SARNP: variants seen among roughly 807,000 people sequenced by gnomAD.
The protein encoded by SARNP is SAP domain containing ribonucleoprotein.
Under a neutral mutation model 38.1 loss-of-function variants are expected in SARNP, and 5 were observed. The observed-to-expected ratio is 0.13, with a 90% CI of 0.07 to 0.28. The LOEUF (loss-of-function observed/expected upper bound fraction) is 0.28. SARNP is among the 10% of genes least tolerant of loss of function. The probability of loss-of-function intolerance (pLI) is 1.00; values close to 1 mark genes in which losing one functional copy is unlikely to be tolerated. For synonymous variants in SARNP, 84 were observed against 80.6 expected (o/e 1.04, Z -0.23); for missense variants, 180 against 243.9 (o/e 0.74, Z 1.75).
At chr12:55,796,602 CAT>C (rs1186342753) in intron 4 of SARNP, among the ~76,000 whole-genome samples, 2 of 152,086 alleles carry the variant, frequency 1.3e-5, no homozygotes, top group Non-Finnish European at 2.9e-5. Flanking sequence ...AGGGTTTCAC[CAT>C]GTTGGCCAGG....
At chr12:55,811,768 T>C (rs1316589662) in intron 1 of SARNP, among the ~76,000 whole-genome samples, 9 of 152,196 alleles carry the variant, frequency 5.9e-5, no homozygotes, top group Admixed American at 1.3e-4. Context: ...TCACTAAGAT[T>C]CCTTCTTTGG....
At chr12:55,783,091 CAG>C (rs1421809949) in intron 9 of SARNP, among the ~76,000 whole-genome samples, 1 of 151,988 alleles carries the variant, frequency 6.6e-6, no homozygotes, top group African/African-American at 2.4e-5. Flanking sequence ...GCCTGGGTGA[CAG>C]AGTTAGACCC....
intron 1 of SARNP, among the ~76,000 whole-genome samples, chr12:55,806,827 C>T (rs1427338683): frequency 2.0e-5 from 3 of 152,212 alleles, no homozygotes; most frequent in Admixed American, 6.5e-5. Context: ...CATGAGCCAC[C>T]GCGCCCGGCC....
At chr12:55,795,863 T>C (rs1879804745) in intron 5 of SARNP, among the ~76,000 whole-genome samples, 162 bp downstream of exon 5, 1 of 152,150 alleles carries the variant, frequency 6.6e-6, no homozygotes, top group Non-Finnish European at 1.5e-5. Flanking sequence ...GCCAGCCAAA[T>C]ATTTTCCAAA....
chr12:55,765,505 G>C (rs549189849), intron 9 of SARNP, among the ~76,000 whole-genome samples: 15 of 151,002 alleles, frequency 9.9e-5, no homozygotes, highest in African/African-American at 3.7e-4. Flanking sequence ...GCCATGCCTG[G>C]CTAATTTTTT....
downstream of SARNP, chr12:55,756,778 T>A (rs1878518149): frequency 6.6e-6 from 1 of 152,250 alleles, no homozygotes; most frequent in African/African-American, 2.4e-5. Flanking sequence ...CAAAATTTCT[T>A]CTGTCTCTGA....
At chr12:55,763,713 A>G (rs908180699) in intron 9 of SARNP, among the ~76,000 whole-genome samples, 1 of 152,126 alleles carries the variant, frequency 6.6e-6, no homozygotes, top group African/African-American at 2.4e-5. Context: ...TCAGCCTCCC[A>G]AAGTGCTGGG....
At chr12:55,816,678 T>C (rs1235621776) in intron 1 of SARNP, among the ~76,000 whole-genome samples, 1 of 152,246 alleles carries the variant, frequency 6.6e-6, no homozygotes, top group Non-Finnish European at 1.5e-5. Flanking sequence ...AAACATCTAA[T>C]GGGAAAACTA....
intron 9 of SARNP, among the ~76,000 whole-genome samples, chr12:55,787,343 T>C (rs1879529793): frequency 6.6e-6 from 1 of 152,182 alleles, no homozygotes; most frequent in African/African-American, 2.4e-5. Flanking sequence ...AGTGTTTAGT[T>C]TTTTTCCCAA....
intron 9 of SARNP, among the ~76,000 whole-genome samples, chr12:55,767,534 G>A (rs1449567749): frequency 6.6e-6 from 1 of 152,044 alleles, no homozygotes; most frequent in Non-Finnish European, 1.5e-5. Context: ...GGGCAACAGA[G>A]TGAGATCTTG....
intron 9 of SARNP, among the ~76,000 whole-genome samples, chr12:55,764,872 A>G (rs1878783669): frequency 6.6e-6 from 1 of 151,518 alleles, no homozygotes; most frequent in African/African-American, 2.4e-5. Flanking sequence ...TCCAACAAAC[A>G]TTAAGTCCCA....
chr12:55,793,425 A>T (rs1459079242), intron 7 of SARNP: 1 of 152,192 alleles, frequency 6.6e-6, no homozygotes, highest in Non-Finnish European at 1.5e-5. Context: ...TTTAGAATAC[A>T]GTCGTCCCTC....
intron 9 of SARNP, 62 bp downstream of exon 9, chr12:55,789,013 A>G: frequency 1.8e-6 from 2 of 1,088,776 alleles, no homozygotes; most frequent in Admixed American, 4.0e-5. Flanking sequence ...TTTCCAGCCT[A>G]TGTAGTTCCC....
At chr12:55,803,406 G>C (rs534348902) in intron 2 of SARNP, among the ~76,000 whole-genome samples, 2 of 151,908 alleles carry the variant, frequency 1.3e-5, no homozygotes, top group African/African-American at 4.8e-5. Context: ...ATTGGTTGAA[G>C]CCGGGAGACA....
At chr12:55,781,244 C>T (rs928755584) in intron 9 of SARNP, among the ~76,000 whole-genome samples, 3 of 152,154 alleles carry the variant, frequency 2.0e-5, no homozygotes, top group African/African-American at 7.2e-5. Context: ...CTCTTTGGTA[C>T]CTCAACATAG....
At chr12:55,768,622 T>G (rs1160771600) in intron 9 of SARNP, among the ~76,000 whole-genome samples, 3 of 151,506 alleles carry the variant, frequency 2.0e-5, no homozygotes, top group Non-Finnish European at 4.4e-5. Context: ...GAGACAGGGT[T>G]TCACCAAGTC....
At chr12:55,806,361 G>A (rs1225878471) in intron 1 of SARNP, among the ~76,000 whole-genome samples, 1 of 150,206 alleles carries the variant, frequency 6.7e-6, no homozygotes, top group Non-Finnish European at 1.5e-5. Flanking sequence ...TGCAACCTCT[G>A]CGTTCCAGGT....
intron 9 of SARNP, among the ~76,000 whole-genome samples, chr12:55,787,219 G>C (rs938708956): frequency 1.5e-5 from 2 of 135,514 alleles, no homozygotes; most frequent in African/African-American, 6.5e-5. Flanking sequence ...GTGTCAGAGT[G>C]AGAACTTGTC....
intron 9 of SARNP, among the ~76,000 whole-genome samples, chr12:55,772,063 G>A (rs575373799): frequency 5.7e-4 from 86 of 152,152 alleles, no homozygotes; most frequent in African/African-American, 1.8e-3. Context: ...GTTTATTCCC[G>A]AGCCTTTATG....
Sources: gnomAD v4.1 joint callset for allele counts (sites outside exome capture counted in the v4.1 genomes callset) on GRCh38, gnomAD v4.1.1 for gene constraint, MANE v1.5 for transcripts, NCBI Gene and HGNC (gene_info 2026-07-23, HGNC 2026-07-21) for gene names.